The following HSD17B12 variants were observed in gnomAD, a reference collection of about 807,000 sequenced individuals.
HSD17B12 encodes the protein very-long-chain 3-oxoacyl-CoA reductase.
Under a neutral mutation model 39.3 loss-of-function variants are expected in HSD17B12, and 32 were observed. That is an observed-to-expected ratio of 0.81 (90% CI 0.61 to 1.09). The LOEUF (loss-of-function observed/expected upper bound fraction) is 1.09. HSD17B12 is among the 50% of genes least tolerant of loss of function. The probability of loss-of-function intolerance (pLI) is 0.00; values close to 1 mark genes in which losing one functional copy is unlikely to be tolerated. For missense variants in HSD17B12, 342 were observed against 382.9 expected (o/e 0.89, Z 0.89); for synonymous variants, 150 against 146.7 (o/e 1.02, Z -0.16).
intron 1 of HSD17B12, among the ~76,000 whole-genome samples, chr11:43,713,183 G>T (rs1017483132): frequency 6.6e-6 from 1 of 152,132 alleles, no homozygotes; most frequent in Non-Finnish European, 1.5e-5. Context: ...ACAACGTGCA[G>T]GTTTGTTGCA....
At chr11:43,786,299 G>A (rs1051720316) in intron 3 of HSD17B12, among the ~76,000 whole-genome samples, 6 of 152,148 alleles carry the variant, frequency 3.9e-5, no homozygotes, top group Admixed American at 3.9e-4. Context: ...ACAATAAAAA[G>A]ATTTGTACTC....
Position 43,713,903 on chromosome 11 carries a change from C to T in HSD17B12, c.160+32916C>T, listed in dbSNP as rs191657420. Among the ~76,000 whole-genome samples, 280 of 152,214 alleles carry T rather than the reference C, an allele frequency of 1.8e-3. 2 individuals carry two copies. The highest frequency in any genetic ancestry group is 6.4e-3 in the African/African-American group (267 of 41,542). On this transcript the variant is annotated intron_variant, in intron 1 of 10. Coordinates refer to ENST00000278353, the MANE Select transcript of HSD17B12 (RefSeq NM_016142.3). ...TGATGATGAGCATTTTTTCATGTGC[C>T]TGTTGGCTGCATAAATGTCTTCTTT...
At chr11:43,777,899 C>T (rs576158423) in intron 3 of HSD17B12, among the ~76,000 whole-genome samples, 1 of 152,196 alleles carries the variant, frequency 6.6e-6, no homozygotes, top group South Asian at 2.1e-4. Flanking sequence ...CCAAAATTGA[C>T]ACCCTGACAT....
chr11:43,618,672 C>A, the HSD17B12 span, among the ~76,000 whole-genome samples: 3 of 152,068 alleles, frequency 2.0e-5, no homozygotes, highest in African/African-American at 7.2e-5. Flanking sequence ...TTAGTTCTTC[C>A]CAAAACAAGT....
chr11:43,803,926 A>G (rs1246565099), intron 4 of HSD17B12, among the ~76,000 whole-genome samples: 2 of 152,228 alleles, frequency 1.3e-5, no homozygotes, highest in East Asian at 1.9e-4. Context: ...ACAAAGTGTG[A>G]TTACCGTAAT....
At chr11:43,605,414 A>G in the HSD17B12 span, among the ~76,000 whole-genome samples, 3 of 152,060 alleles carry the variant, frequency 2.0e-5, no homozygotes, top group Admixed American at 2.0e-4. Flanking sequence ...ATACAAAATT[A>G]GCCGTGTGTG....
At chr11:43,599,635 T>C in the HSD17B12 span, among the ~76,000 whole-genome samples, 1 of 152,190 alleles carries the variant, frequency 6.6e-6, no homozygotes, top group Admixed American at 6.5e-5. Context: ...AAAAGGTTAT[T>C]TCTTTATTTA....
chr11:43,750,883 T>A, intron 1 of HSD17B12, 28 bp from the exon 2 acceptor site: 1 of 1,567,852 alleles, frequency 6.4e-7, no homozygotes, highest in South Asian at 1.1e-5. Flanking sequence ...ATTCTTAGAC[T>A]AAACTATTGC....
chr11:43,647,887 A>C, the HSD17B12 span, among the ~76,000 whole-genome samples: 3 of 152,144 alleles, frequency 2.0e-5, no homozygotes, highest in African/African-American at 7.2e-5. Flanking sequence ...GATTCTTCCT[A>C]CATGTATTTC....
intron 1 of HSD17B12, among the ~76,000 whole-genome samples, chr11:43,722,252 A>C (rs747341163): frequency 1.4e-4 from 22 of 152,230 alleles, no homozygotes; most frequent in Non-Finnish European, 2.5e-4. Flanking sequence ...AAACTCCTAA[A>C]GTGAAATTGT....
intron 3 of HSD17B12, among the ~76,000 whole-genome samples, chr11:43,771,499 CT>C (rs1355657441): frequency 3.9e-5 from 5 of 126,618 alleles, no homozygotes; most frequent in Non-Finnish European, 7.9e-5. Context: ...CAGAGTATCG[CT>C]CTGTCACCTA....
the HSD17B12 span, among the ~76,000 whole-genome samples, chr11:43,574,984 T>C: frequency 2.0e-5 from 3 of 152,206 alleles, no homozygotes; most frequent in African/African-American, 7.2e-5. Flanking sequence ...AAAGCCGCAG[T>C]AGCAAGCCGG....
At chr11:43,698,783 C>G (rs1949936274) in intron 1 of HSD17B12, among the ~76,000 whole-genome samples, 1 of 152,140 alleles carries the variant, frequency 6.6e-6, no homozygotes, top group South Asian at 2.1e-4. Flanking sequence ...AATTAGAAAC[C>G]TAGAAATAGA....
chr11:43,767,635 G>T (rs1244439596), intron 3 of HSD17B12, among the ~76,000 whole-genome samples: 2 of 152,098 alleles, frequency 1.3e-5, no homozygotes, highest in African/African-American at 2.4e-5. Context: ...TAATTTAAAT[G>T]ACCTAGCGTT....
chr11:43,812,528 A>G (rs957957311), intron 4 of HSD17B12, among the ~76,000 whole-genome samples: 5 of 152,224 alleles, frequency 3.3e-5, no homozygotes, highest in Admixed American at 3.3e-4. Context: ...TTTGAGAAAT[A>G]TCTATCCATA....
At chr11:43,734,766 A>G (rs1161425122) in intron 1 of HSD17B12, among the ~76,000 whole-genome samples, 1 of 152,268 alleles carries the variant, frequency 6.6e-6, no homozygotes, top group African/African-American at 2.4e-5. Context: ...AAGAAATTCA[A>G]GTAAAATTCT....
At chr11:43,628,192 C>A in the HSD17B12 span, among the ~76,000 whole-genome samples, 1 of 151,802 alleles carries the variant, frequency 6.6e-6, no homozygotes, top group Non-Finnish European at 1.5e-5. Flanking sequence ...TCTTACTTGG[C>A]AACTATCAAC....
chr11:43,846,756 G>A (rs2135140593), intron 9 of HSD17B12, among the ~76,000 whole-genome samples: 1 of 152,262 alleles, frequency 6.6e-6, no homozygotes, highest in East Asian at 1.9e-4. Context: ...TAGACCCTTG[G>A]CTAGACATCT....
At chr11:43,815,542 A>G (rs1951114234) in intron 5 of HSD17B12, 41 bp downstream of exon 5, 2 of 1,206,060 alleles carry the variant, frequency 1.7e-6, no homozygotes, top group Non-Finnish European at 2.4e-6. Flanking sequence ...AAAATAATGC[A>G]TGCAGGTATT....
Sources: gnomAD v4.1 joint callset for allele counts (sites outside exome capture counted in the v4.1 genomes callset) on GRCh38, gnomAD v4.1.1 for gene constraint, MANE v1.5 for transcripts, NCBI Gene and HGNC (gene_info 2026-07-23, HGNC 2026-07-21) for gene names.